Variants in TASP1 observed in about 807,000 individuals in gnomAD.
TASP1 encodes the protein taspase 1.
A neutral mutation model predicts 56.6 loss-of-function variants in TASP1; 16 were observed. The ratio of observed to expected loss-of-function variants is 0.28; its 90% CI spans 0.19 to 0.43. TASP1 has a LOEUF of 0.43. Among genes scored for constraint, TASP1 ranks in the 20% least tolerant of loss-of-function variants. The probability of loss-of-function intolerance (pLI) is 1.00; values close to 1 mark genes in which losing one functional copy is unlikely to be tolerated. For synonymous variants in TASP1, 179 were observed against 184.2 expected, an observed-to-expected ratio of 0.97 and a Z score of 0.23; for missense variants, 393 against 511.6, an observed-to-expected ratio of 0.77 and a Z score of 2.24.
the TASP1 span, among the ~76,000 whole-genome samples, chr20:13,220,388 C>T: frequency 6.6e-6 from 1 of 152,254 alleles, no homozygotes; most frequent in African/African-American, 2.4e-5. Flanking sequence ...CACTGCAAGG[C>T]ATGAGCCGCA....
At chr20:13,322,106 G>A in the TASP1 span, among the ~76,000 whole-genome samples, 7 of 152,180 alleles carry the variant, frequency 4.6e-5, no homozygotes, top group Non-Finnish European at 1.0e-4. Context: ...TACAAGTACC[G>A]TTTTGCAAAG....
At chr20:13,200,358 T>C in the TASP1 span, among the ~76,000 whole-genome samples, 1 of 152,210 alleles carries the variant, frequency 6.6e-6, no homozygotes, top group African/African-American at 2.4e-5. Context: ...GCAGAGAACC[T>C]GCAAAGGGTG....
At chr20:13,496,536 G>A (rs2043738005) in intron 10 of TASP1, among the ~76,000 whole-genome samples, 1 of 151,302 alleles carries the variant, frequency 6.6e-6, no homozygotes, top group Non-Finnish European at 1.5e-5. Flanking sequence ...CTGGTTCTGG[G>A]TCTCTGGGTC....
the TASP1 span, among the ~76,000 whole-genome samples, chr20:13,273,850 C>A: frequency 0.38 from 58,138 of 151,806 alleles, 13,300 homozygotes; most frequent in African/African-American, 0.65. Flanking sequence ...GGTTAATTTT[C>A]TGTGAGCAAT....
rs566747207 is a variant in TASP1, at chr20:13,548,969, G to T, written c.675+10039C>A. ...CAGGTTTAGGATCCACTAGAATAAA[G>T]AATTCCTTAATAAGAGAATCAAGGA... On this transcript the variant is annotated intron_variant, in intron 8 of 13. Transcript: ENST00000337743. 7.2e-5 allele frequency among the ~76,000 whole-genome samples: 11 copies of T among 152,202 alleles called. No homozygotes were observed. In the East Asian group the frequency reaches 1.7e-3, roughly 24 times the overall value.
At chr20:13,327,172 C>T in the TASP1 span, among the ~76,000 whole-genome samples, 1 of 152,078 alleles carries the variant, frequency 6.6e-6, no homozygotes, top group Non-Finnish European at 1.5e-5. Flanking sequence ...AAACAACAGG[C>T]AACCAGAGAG....
At chr20:13,551,298 A>T (rs1173184791) in intron 8 of TASP1, among the ~76,000 whole-genome samples, 1 of 152,186 alleles carries the variant, frequency 6.6e-6, no homozygotes, top group Admixed American at 6.6e-5. Flanking sequence ...TCACTATCCC[A>T]TGTAAGTACT....
the TASP1 span, chr20:13,167,499 A>G: frequency 6.6e-6 from 1 of 152,174 alleles, no homozygotes; most frequent in African/African-American, 2.4e-5. Flanking sequence ...TTTACGGAGT[A>G]AGCAACTATG....
the TASP1 span, among the ~76,000 whole-genome samples, chr20:13,339,507 A>C: frequency 6.6e-6 from 1 of 152,198 alleles, no homozygotes; most frequent in Non-Finnish European, 1.5e-5. Flanking sequence ...CAGAATTTTG[A>C]TTATAAACTT....
intron 13 of TASP1, among the ~76,000 whole-genome samples, chr20:13,412,081 T>C (rs368409886): frequency 6.6e-6 from 1 of 152,220 alleles, no homozygotes; most frequent in East Asian, 1.9e-4. Context: ...GAAAATCTTA[T>C]GCACCTTAAT....
At chr20:13,531,940 C>T (rs903957307) in intron 9 of TASP1, among the ~76,000 whole-genome samples, 1 of 152,170 alleles carries the variant, frequency 6.6e-6, no homozygotes, top group Non-Finnish European at 1.5e-5. Context: ...CTGGGAATTA[C>T]AGGCGTGAGC....
At chr20:13,546,701 G>C (rs553144349) in intron 8 of TASP1, among the ~76,000 whole-genome samples, 1 of 152,314 alleles carries the variant, frequency 6.6e-6, no homozygotes, top group East Asian at 1.9e-4. Flanking sequence ...ACTTGGTCAA[G>C]TTTCTCTAGA....
At chr20:13,530,041 T>C (rs2045159806) in intron 9 of TASP1, among the ~76,000 whole-genome samples, 1 of 152,108 alleles carries the variant, frequency 6.6e-6, no homozygotes, top group Admixed American at 6.6e-5. Flanking sequence ...CAGAAAGTCC[T>C]CCAATTTTTT....
At position 13,606,802 on chromosome 20, in the gene TASP1, G is replaced by A. The variant is rs572980744; in HGVS notation, c.282+16644C>T. On this transcript the variant is annotated intron_variant, in intron 4 of 13. Coordinates refer to ENST00000337743, the MANE Select transcript of TASP1 (RefSeq NM_017714.3). ...AGCCTGGGCGACTGAGCGAGACTCCGTCTCAAAAAAAAAAAAAAAAAAAGA... is the reference window on the plus strand; with the variant it reads ...AGCCTGGGCGACTGAGCGAGACTCCATCTCAAAAAAAAAAAAAAAAAAAGA... Among the ~76,000 whole-genome samples, 176 of 127,176 alleles carry A rather than the reference G, an allele frequency of 1.4e-3. 1 individual carries two copies. Among genetic ancestry groups the A allele is most frequent in the Middle Eastern group, 5.3e-3 (1 of 188 alleles). 83.4% of individuals were successfully genotyped at this position (127,176 alleles called of 152,430 possible). A position where few individuals can be genotyped will look rare whatever the true frequency, so the allele number is the denominator to read the frequency against.
chr20:13,245,091 T>C, the TASP1 span, among the ~76,000 whole-genome samples: 1 of 152,206 alleles, frequency 6.6e-6, no homozygotes, highest in South Asian at 2.1e-4. Flanking sequence ...TGCCACCCCA[T>C]GTTGGTTAAA....
the TASP1 span, among the ~76,000 whole-genome samples, chr20:13,281,566 G>A: frequency 2.0e-5 from 3 of 152,164 alleles, no homozygotes; most frequent in African/African-American, 4.8e-5. Flanking sequence ...TAACCTGGAG[G>A]GCTAAGACCT....
the TASP1 span, among the ~76,000 whole-genome samples, chr20:13,361,836 A>C: frequency 3.9e-5 from 6 of 152,076 alleles, no homozygotes; most frequent in Non-Finnish European, 7.4e-5. Context: ...TCTTGAAGTA[A>C]ATAAATAATC....
At chr20:13,502,962 C>T (rs2044000328) in intron 10 of TASP1, among the ~76,000 whole-genome samples, 1 of 152,284 alleles carries the variant, frequency 6.6e-6, no homozygotes, top group East Asian at 1.9e-4. Context: ...AAGAGATACC[C>T]TCACCACAAT....
At chr20:13,593,565 G>A (rs760012204) in intron 4 of TASP1, among the ~76,000 whole-genome samples, 5 of 152,308 alleles carry the variant, frequency 3.3e-5, no homozygotes, top group Non-Finnish European at 7.4e-5. Flanking sequence ...TGCCTGGCTC[G>A]GCAGGTCCCA....
Sources: gnomAD v4.1 joint callset for allele counts (sites outside exome capture counted in the v4.1 genomes callset) on GRCh38, gnomAD v4.1.1 for gene constraint, MANE v1.5 for transcripts, NCBI Gene and HGNC (gene_info 2026-07-23, HGNC 2026-07-21) for gene names.